The following FAM117A variants were observed in gnomAD, a reference collection of about 807,000 sequenced individuals.
FAM117A encodes protein FAM117A.
In FAM117A, 21 loss-of-function variants were observed where a neutral mutation model predicts 44.1. That is an observed-to-expected ratio of 0.48 (90% confidence interval 0.34 to 0.69). FAM117A has a LOEUF of 0.69. Among genes scored for constraint, FAM117A ranks in the 30% least tolerant of loss-of-function variants. The pLI is 0.01. For synonymous variants in FAM117A, 220 were observed against 238.3 expected (o/e 0.92, Z 0.71); for missense variants, 498 against 589.9 (o/e 0.84, Z 1.61).
chr17:49,722,670 G>C (rs2073540747), intron 2 of FAM117A, 76 bp from the exon 3 acceptor site: 1 of 1,228,902 alleles, frequency 8.1e-7, no homozygotes, highest in Non-Finnish European at 1.2e-6. Context: ...TGTTTTCTGG[G>C]TAGAGGTGAT....
intron 1 of FAM117A, 186 bp from the exon 2 acceptor site, chr17:49,732,906 T>C (rs1306033364): frequency 1.7e-6 from 1 of 601,830 alleles, no homozygotes; most frequent in African/African-American, 1.8e-5. Flanking sequence ...CCTGACCTAC[T>C]CAGCCAGCCT....
At chr17:49,720,945 C>T (rs542676556) in intron 3 of FAM117A, among the ~76,000 whole-genome samples, 1 of 152,234 alleles carries the variant, frequency 6.6e-6, no homozygotes, top group South Asian at 2.1e-4. Flanking sequence ...GAACTCCTTA[C>T]CTCGTGATCC....
At chr17:49,718,079 G>A in intron 5 of FAM117A, 1 of 165,668 alleles carries the variant, frequency 6.0e-6, no homozygotes, top group African/African-American at 2.4e-5. Flanking sequence ...ATGCTGGAGG[G>A]CACAATAGCG....
chr17:49,760,672 A>G (rs2073719286), intron 1 of FAM117A, among the ~76,000 whole-genome samples: 1 of 152,186 alleles, frequency 6.6e-6, no homozygotes. Flanking sequence ...TAGATGAAAC[A>G]TTATCTTCAT....
chr17:49,786,957 G>A lies in FAM117A; in HGVS notation c.-621+1540C>T, dbSNP rs1472544096. ...AAATTAGCCAGGTGTGGTGGCACAC[G>A]CCTGCAGTCCCAGCTACTCGGGAGG... On this transcript the variant is annotated intron_variant, in intron 1 of 7. Transcript: ENST00000513602. Among the ~76,000 whole-genome samples the A allele has an allele frequency of 3.3e-5, 5 of 151,876 alleles. No homozygotes were observed. The East Asian group carries it at 7.8e-4, about 24-fold the overall frequency.
chr17:49,727,316 G>A (rs537858266), intron 2 of FAM117A, among the ~76,000 whole-genome samples: 2 of 152,334 alleles, frequency 1.3e-5, no homozygotes, highest in South Asian at 2.1e-4. Context: ...GCTGAGGCAG[G>A]AGAATTGCTT....
intron 1 of FAM117A, among the ~76,000 whole-genome samples, chr17:49,760,605 C>G (rs1235768948): frequency 9.9e-5 from 15 of 152,162 alleles, no homozygotes; most frequent in Admixed American, 9.8e-4. Flanking sequence ...ATTTAGCTTC[C>G]CTAGCACCCA....
intron 5 of FAM117A, 37 bp downstream of exon 5, chr17:49,719,723 G>A (rs1478247552): frequency 5.3e-6 from 8 of 1,513,980 alleles, no homozygotes; most frequent in Non-Finnish European, 5.3e-6. Flanking sequence ...AGTGAGGCAC[G>A]GACTGTGGGT....
chr17:49,756,930 A>G (rs907711879), intron 1 of FAM117A, among the ~76,000 whole-genome samples: 1 of 151,466 alleles, frequency 6.6e-6, no homozygotes, highest in African/African-American at 2.4e-5. Flanking sequence ...AAAAAAAAAA[A>G]AAAAGAGAGA....
intron 1 of FAM117A, among the ~76,000 whole-genome samples, chr17:49,785,007 G>A (rs982229608): frequency 2.0e-5 from 3 of 152,228 alleles, no homozygotes; most frequent in African/African-American, 7.2e-5. Context: ...CTGAGACCAT[G>A]TAAATATATA....
intron 5 of FAM117A, 72 bp from the exon 6 acceptor site, chr17:49,717,786 GGTATTTCCCTTGCT>G: frequency 7.9e-7 from 1 of 1,268,048 alleles, no homozygotes; most frequent in Non-Finnish European, 1.1e-6. Flanking sequence ...TGACCCCAAG[GGTATTTCCCTTGCT>G]GCTGTCATTC....
intron 1 of FAM117A, among the ~76,000 whole-genome samples, chr17:49,776,312 G>A (rs1181892763): frequency 6.6e-6 from 1 of 152,162 alleles, no homozygotes; most frequent in Admixed American, 6.5e-5. Context: ...ATAGCTAGAA[G>A]GGAAAGGTCC....
chr17:49,787,355 G>T (rs185447062), intron 1 of FAM117A, among the ~76,000 whole-genome samples: 1 of 152,312 alleles, frequency 6.6e-6, no homozygotes, highest in Admixed American at 6.5e-5. Flanking sequence ...ACCTAAGTAG[G>T]TTATCAAAGG....
At chr17:49,771,381 T>C (rs1249569779) in intron 1 of FAM117A, among the ~76,000 whole-genome samples, 1 of 152,160 alleles carries the variant, frequency 6.6e-6, no homozygotes, top group African/African-American at 2.4e-5. Flanking sequence ...GGGAATGTCT[T>C]AGGAAACAAA....
intron 1 of FAM117A, among the ~76,000 whole-genome samples, chr17:49,769,947 T>C (rs1225158892): frequency 6.6e-6 from 1 of 151,834 alleles, no homozygotes; most frequent in Non-Finnish European, 1.5e-5. Flanking sequence ...TGGATCCCGT[T>C]CAGTGCTGCC....
At chr17:49,788,890 A>C, upstream of FAM117A, 1 of 1,547,290 alleles carries the variant, frequency 6.5e-7, no homozygotes, top group Non-Finnish European at 8.8e-7. Context: ...TTCTAAGGAC[A>C]GTCGATTGAG....
chr17:49,719,680 G>A, intron 5 of FAM117A, 80 bp downstream of exon 5: 2 of 1,457,588 alleles, frequency 1.4e-6, no homozygotes, highest in Non-Finnish European at 1.8e-6. Flanking sequence ...AGGCCCCAGA[G>A]AGCAGGACTC....
At chr17:49,784,422 C>A (rs1192181825) in intron 1 of FAM117A, among the ~76,000 whole-genome samples, 2 of 152,170 alleles carry the variant, frequency 1.3e-5, no homozygotes, top group South Asian at 4.1e-4. Context: ...GTCTGACTGG[C>A]GGCCTCCTCT....
At chr17:49,785,376 G>A (rs371232683) in intron 1 of FAM117A, among the ~76,000 whole-genome samples, 1 of 152,164 alleles carries the variant, frequency 6.6e-6, no homozygotes, top group South Asian at 2.1e-4. Context: ...GCCAGGCATG[G>A]TGGTGTGTAC....
Sources: gnomAD v4.1 joint callset for allele counts (sites outside exome capture counted in the v4.1 genomes callset) on GRCh38, gnomAD v4.1.1 for gene constraint, MANE v1.5 for transcripts, NCBI Gene and HGNC (gene_info 2026-07-23, HGNC 2026-07-21) for gene names.